APOH: variants seen among roughly 807,000 people sequenced by gnomAD.
APOH encodes apolipoprotein H.
A neutral mutation model predicts 39.8 loss-of-function variants in APOH; 48 were observed. That is an observed-to-expected ratio of 1.21 (90% CI 0.96 to 1.54). The LOEUF (loss-of-function observed/expected upper bound fraction) is 1.54. APOH is among the 40% of genes most tolerant of loss of function. The probability of loss-of-function intolerance (pLI) is 0.00; values close to 1 mark genes in which losing one functional copy is unlikely to be tolerated. For missense variants in APOH, 415 were observed against 421.2 expected (o/e 0.99, Z 0.13); for synonymous variants, 153 against 151.1 (o/e 1.01, Z -0.09).
At chr17:66,212,458 C>G (rs1325381245) in intron 7 of APOH, among the ~76,000 whole-genome samples, 1 of 152,118 alleles carries the variant, frequency 6.6e-6, no homozygotes, top group African/African-American at 2.4e-5. Flanking sequence ...AATCTCAGCT[C>G]ACTGCAACCT....
At chr17:66,224,766 A>AGGAAT (rs2073429218) in intron 3 of APOH, among the ~76,000 whole-genome samples, 2 of 149,318 alleles carry the variant, frequency 1.3e-5, no homozygotes, top group Non-Finnish European at 3.0e-5. Flanking sequence ...AGGAAAGGAA[A>AGGAAT]GGAAAGGAAA....
intron 6 of APOH, among the ~76,000 whole-genome samples, chr17:66,216,213 T>C (rs1161802184): frequency 7.3e-6 from 1 of 136,416 alleles, no homozygotes; most frequent in African/African-American, 2.8e-5. Context: ...TACTAAAAAA[T>C]GATGGATGGA....
chr17:66,228,935 C>T (rs1042065290), intron 1 of APOH, among the ~76,000 whole-genome samples: 2 of 151,804 alleles, frequency 1.3e-5, no homozygotes, highest in African/African-American at 2.4e-5. Flanking sequence ...CAGGTTCAAG[C>T]AATTCTCCTG....
At chr17:66,212,873 A>AT (rs1268534754) in intron 7 of APOH, among the ~76,000 whole-genome samples, 6 of 152,176 alleles carry the variant, frequency 3.9e-5, no homozygotes, top group Middle Eastern at 3.4e-3. Context: ...CTTTTCTCAC[A>AT]TTTTTTCTAC....
chr17:66,225,191 G>A (rs927158753), intron 3 of APOH, among the ~76,000 whole-genome samples: 2 of 152,146 alleles, frequency 1.3e-5, no homozygotes, highest in Non-Finnish European at 2.9e-5. Flanking sequence ...TCTCTCACAT[G>A]TAGTATTCCT....
chr17:66,220,723 T>C lies in APOH; in HGVS notation c.435A>G (p.Pro145=), dbSNP rs376526828. ...GAAGTGTTGCAAACGTAGGTATGGA[T>C]GGTGGAGGGCAGATGATGGCTGGGA... The part of the protein sequence containing the change: ...PVCAPIICPP[P]SIPTFATLRV... Residue 145 remains proline (P), a synonymous_variant, in exon 5 of 8, where the codon CCA becomes CCG. Coordinates refer to ENST00000205948, the MANE Select transcript of APOH (RefSeq NM_000042.3). 2 of 1,612,580 alleles carry C rather than the reference T, an allele frequency of 1.2e-6. No homozygotes were observed. Among genetic ancestry groups the C allele is most frequent in the Non-Finnish European group, 1.7e-6 (2 of 1,178,856 alleles).
chr17:66,224,470 TA>T (rs760150264), intron 3 of APOH, among the ~76,000 whole-genome samples: 114 of 43,024 alleles, frequency 2.6e-3, no homozygotes, highest in Admixed American at 3.3e-3. Context: ...GAAGATCCTG[TA>T]AAAAAAAAAA....
chr17:66,226,325 T>C (rs545282184), intron 2 of APOH, among the ~76,000 whole-genome samples: 1 of 152,230 alleles, frequency 6.6e-6, no homozygotes, highest in Admixed American at 6.5e-5. Context: ...GCGTTCATTA[T>C]ACTGTTTCTC....
rs755959995 is a variant in APOH, at chr17:66,227,977, A to C, written c.241+43T>G. 26 of 1,580,928 alleles carry C rather than the reference A, an allele frequency of 1.6e-5. No homozygotes were observed. The East Asian group carries it at 5.8e-4, about 35-fold the overall frequency. ...AGCTTATTCCTCCAAAATACCCAGA[A>C]TCCAAATGAGGGAAGAGAATGTGAG... On this transcript the variant is annotated intron_variant, in intron 2 of 7. Coordinates refer to ENST00000205948, the MANE Select transcript of APOH (RefSeq NM_000042.3).
At chr17:66,218,222 T>C (rs985868077) in intron 5 of APOH, among the ~76,000 whole-genome samples, 1 of 152,102 alleles carries the variant, frequency 6.6e-6, no homozygotes, top group Non-Finnish European at 1.5e-5. Flanking sequence ...TACCAAAAGG[T>C]GATCTAGCAC....
At chr17:66,224,104 G>A (rs1378534537) in intron 3 of APOH, among the ~76,000 whole-genome samples, 1 of 152,126 alleles carries the variant, frequency 6.6e-6, no homozygotes, top group Non-Finnish European at 1.5e-5. Context: ...GAACCAAACT[G>A]AGTAATCTTC....
intron 4 of APOH, 114 bp downstream of exon 4, chr17:66,223,584 G>T: frequency 1.1e-6 from 1 of 886,366 alleles, no homozygotes; most frequent in Non-Finnish European, 1.8e-6. Context: ...CCCCACAAGG[G>T]TGACCATTCA....
chr17:66,215,152 C>T (rs2073357369), intron 6 of APOH, among the ~76,000 whole-genome samples: 1 of 152,106 alleles, frequency 6.6e-6, no homozygotes, highest in Non-Finnish European at 1.5e-5. Flanking sequence ...CAGCTCAAAG[C>T]CAAAGACTGA....
intron 6 of APOH, among the ~76,000 whole-genome samples, chr17:66,215,912 A>G (rs2073362108): frequency 6.6e-6 from 1 of 152,172 alleles, no homozygotes; most frequent in Non-Finnish European, 1.5e-5. Context: ...TATCAGTTGT[A>G]TTTCATGTCT....
In APOH at chr17:66,229,396, T is replaced by C. The variant is rs766006273; in HGVS notation, c.-17A>G. 1.2e-6 allele frequency: 2 copies of C among 1,612,316 alleles called. No homozygotes were observed. Among genetic ancestry groups the C allele is most frequent in the South Asian group, 1.1e-5 (1 of 90,758 alleles). ...AGAAATCATTGTGGATGAGTCACAC[T>C]GGCACTACCAAAGTGGTTTTCGTCT... On this transcript the variant is annotated 5_prime_UTR_variant, in exon 1 of 8. Coordinates refer to ENST00000205948, the MANE Select transcript of APOH (RefSeq NM_000042.3).
At chr17:66,224,041 G>A (rs1036899272) in intron 3 of APOH, among the ~76,000 whole-genome samples, 3 of 152,124 alleles carry the variant, frequency 2.0e-5, no homozygotes, top group Non-Finnish European at 1.5e-5. Context: ...TGGCCAAGAT[G>A]ACTGTTTCTA....
At chr17:66,223,400 A>C (rs978123789) in intron 4 of APOH, among the ~76,000 whole-genome samples, 4 of 152,234 alleles carry the variant, frequency 2.6e-5, no homozygotes, top group Non-Finnish European at 5.9e-5. Context: ...TATCCAAGCC[A>C]CTTCCAAAGC....
At chr17:66,217,010 C>T (rs2073369900) in intron 5 of APOH, 43 bp from the exon 6 acceptor site, 1 of 1,472,458 alleles carries the variant, frequency 6.8e-7, no homozygotes, top group Non-Finnish European at 9.2e-7. Context: ...ATAAATAGTG[C>T]TATCCAATAG....
At chr17:66,220,412 C>T in intron 5 of APOH, 142 bp downstream of exon 5, 1 of 752,896 alleles carries the variant, frequency 1.3e-6, no homozygotes, top group Non-Finnish European at 2.2e-6. Flanking sequence ...GCCCAGCACA[C>T]TGCCTGGCAC....
Sources: gnomAD v4.1 joint callset for allele counts (sites outside exome capture counted in the v4.1 genomes callset) on GRCh38, gnomAD v4.1.1 for gene constraint, MANE v1.5 for transcripts, NCBI Gene and HGNC (gene_info 2026-07-23, HGNC 2026-07-21) for gene names.